Variants in SPATA6L observed in about 807,000 individuals in gnomAD.
The protein encoded by SPATA6L is spermatogenesis associated 6-like protein.
In SPATA6L, 68 loss-of-function variants were observed where a neutral mutation model predicts 49.2. The observed-to-expected ratio is 1.38, with a 90% CI of 1.14 to 1.69. SPATA6L has a LOEUF of 1.69. SPATA6L is among the 40% of genes most tolerant of loss of function. The pLI, the probability that SPATA6L is intolerant of heterozygous loss-of-function variation, is 0.00. For synonymous variants in SPATA6L, 198 were observed against 165.7 expected (o/e 1.19, Z -1.50); for missense variants, 668 against 464.3 (o/e 1.44, Z -4.03).
intron 1 of SPATA6L, chr9:4,663,648 AAACATG>A (rs1307425784): frequency 9.8e-6 from 2 of 204,578 alleles, no homozygotes; most frequent in African/African-American, 4.7e-5. Context: ...TTCGAGAAAG[AAACATG>A]ATGTTCATTC....
At chr9:4,642,377 T>G (rs1414112074) in intron 3 of SPATA6L, among the ~76,000 whole-genome samples, 1 of 152,236 alleles carries the variant, frequency 6.6e-6, no homozygotes, top group Non-Finnish European at 1.5e-5. Context: ...TGAAAAACAT[T>G]CAGTGAGAAT....
intron 9 of SPATA6L, chr9:4,617,309 C>A (rs1828242235): frequency 6.6e-6 from 1 of 152,210 alleles, no homozygotes; most frequent in African/African-American, 2.4e-5. Flanking sequence ...AAGTAACCAA[C>A]TGTCCTGGTT....
Position 4,666,313 on chromosome 9 carries a change from A to G in SPATA6L, c.-63T>C, listed in dbSNP as rs1840860820. ...TCCTTTTGTGCCGAGCCTTGGACCA[A>G]TTTTTCTTAGTTTAGCTGAATACCT... On this transcript the variant is annotated 5_prime_UTR_variant, in exon 1 of 12. Coordinates refer to ENST00000682582, the MANE Select transcript of SPATA6L (RefSeq NM_001353486.2). The G allele has an allele frequency of 3.1e-6, 5 of 1,587,370 alleles. No homozygotes were observed. The highest frequency in any genetic ancestry group is 1.3e-5 in the African/African-American group (1 of 74,356).
chr9:4,631,751 G>C (rs189219550), intron 4 of SPATA6L, among the ~76,000 whole-genome samples: 31 of 152,286 alleles, frequency 2.0e-4, no homozygotes, highest in Non-Finnish European at 4.6e-4. Context: ...AAAGAAATCA[G>C]ATAGTGGGCT....
At chr9:4,639,890 A>G (rs980222341) in intron 3 of SPATA6L, among the ~76,000 whole-genome samples, 2 of 152,242 alleles carry the variant, frequency 1.3e-5, no homozygotes, top group African/African-American at 4.8e-5. Flanking sequence ...CAGATAAGGA[A>G]ACTGAGGCTC....
chr9:4,592,230 G>C (rs936086107), intron 13 of SPATA6L, among the ~76,000 whole-genome samples: 2 of 151,186 alleles, frequency 1.3e-5, no homozygotes, highest in African/African-American at 4.9e-5. Flanking sequence ...CAGGAGAATG[G>C]CTTGAACCCT....
chr9:4,647,291 A>C (rs898741755), intron 3 of SPATA6L, among the ~76,000 whole-genome samples: 1 of 152,176 alleles, frequency 6.6e-6, no homozygotes, highest in Non-Finnish European at 1.5e-5. Context: ...CAAATTATAC[A>C]TAAAATATAA....
At chr9:4,613,539 G>A (rs1035237911) in intron 9 of SPATA6L, among the ~76,000 whole-genome samples, 15 of 151,946 alleles carry the variant, frequency 9.9e-5, no homozygotes, top group African/African-American at 3.1e-4. Context: ...ACCACCTAAA[G>A]CACTGCCCAT....
chr9:4,608,866 T>A (rs1423627589), intron 9 of SPATA6L, among the ~76,000 whole-genome samples: 3 of 152,222 alleles, frequency 2.0e-5, no homozygotes, highest in Non-Finnish European at 4.4e-5. Flanking sequence ...ATCTGGTTTT[T>A]TGAAAGGATC....
chr9:4,608,071 G>C (rs1825753083), intron 9 of SPATA6L, among the ~76,000 whole-genome samples: 1 of 143,314 alleles, frequency 7.0e-6, no homozygotes, highest in Non-Finnish European at 1.5e-5. Flanking sequence ...ATGGTAAAGG[G>C]ATCAATTCAA....
intron 9 of SPATA6L, among the ~76,000 whole-genome samples, chr9:4,608,751 C>G (rs1050649625): frequency 6.6e-6 from 1 of 151,504 alleles, no homozygotes; most frequent in Non-Finnish European, 1.5e-5. Context: ...AAAGCAAGAG[C>G]AAACACATCC....
intron 5 of SPATA6L, chr9:4,628,830 A>C (rs1219580022): frequency 2.8e-6 from 1 of 355,714 alleles, no homozygotes; most frequent in Non-Finnish European, 5.0e-6. Context: ...TAGCTCACTT[A>C]CATCAAATTT....
chr9:4,625,147 T>C, intron 6 of SPATA6L, 180 bp downstream of exon 6: 2 of 1,183,360 alleles, frequency 1.7e-6, no homozygotes, highest in South Asian at 1.9e-5. Flanking sequence ...GGTACCTTTC[T>C]AGGGGTTTCC....
intron 11 of SPATA6L, among the ~76,000 whole-genome samples, chr9:4,601,177 T>C (rs1823155329): frequency 6.6e-6 from 1 of 152,104 alleles, no homozygotes; most frequent in African/African-American, 2.4e-5. Flanking sequence ...CAAATTTCCT[T>C]CCTTCCTTCC....
intron 9 of SPATA6L, among the ~76,000 whole-genome samples, chr9:4,611,704 C>G (rs570196958): frequency 1.3e-3 from 191 of 150,400 alleles, no homozygotes; most frequent in African/African-American, 4.5e-3. Context: ...TGCTAGATGA[C>G]GAGTTAGTGG....
intron 7 of SPATA6L, among the ~76,000 whole-genome samples, chr9:4,619,356 C>T (rs1828759183): frequency 6.6e-6 from 1 of 152,004 alleles, no homozygotes; most frequent in African/African-American, 2.4e-5. Context: ...TGGGGTTTCA[C>T]TACGTTGGCA....
chr9:4,650,869 T>TGTGC (rs1564303103), intron 3 of SPATA6L, among the ~76,000 whole-genome samples: 8 of 118,576 alleles, frequency 6.7e-5, no homozygotes, highest in African/African-American at 2.6e-4. Flanking sequence ...TGTGTGTGTG[T>TGTGC]GTGTGTATTT....
rs550010166 is a variant in SPATA6L, at chr9:4,660,727, C to T, written c.177+1172G>A. On this transcript the variant is annotated intron_variant, in intron 2 of 11. Coordinates refer to ENST00000682582, the MANE Select transcript of SPATA6L (RefSeq NM_001353486.2). ...AATCATGCTACTATAAAGACACATG[C>T]ACACGTATGTTTATTGCAGCACTAT... 4.7e-3 allele frequency among the ~76,000 whole-genome samples: 716 copies of T among 152,318 alleles called. 9 individuals are homozygous for T. Among genetic ancestry groups the T allele is most frequent in the African/African-American group, 0.016 (675 of 41,558 alleles).
chr9:4,609,808 G>C (rs1036375367), intron 9 of SPATA6L, among the ~76,000 whole-genome samples: 1 of 151,392 alleles, frequency 6.6e-6, no homozygotes, highest in Non-Finnish European at 1.5e-5. Flanking sequence ...CAATTAGGCA[G>C]GAGAAGGAAA....
Sources: allele counts gnomAD v4.1 joint callset (sites outside exome capture counted in the v4.1 genomes callset), GRCh38; gene constraint gnomAD v4.1.1; transcripts MANE v1.5; gene names NCBI Gene and HGNC (gene_info 2026-07-23, HGNC 2026-07-21).